CADM1: variants seen among roughly 807,000 people sequenced by gnomAD.
CADM1 encodes the protein cell adhesion molecule 1.
A neutral mutation model predicts 53.1 loss-of-function variants in CADM1; 15 were observed. That is an observed-to-expected ratio of 0.28 (90% CI 0.19 to 0.44). CADM1 has a LOEUF of 0.44. CADM1 is among the 20% of genes least tolerant of loss of function. The pLI, the probability that CADM1 is intolerant of heterozygous loss-of-function variation, is 1.00. For synonymous variants in CADM1, 281 were observed against 243.0 expected, an observed-to-expected ratio of 1.16 and a Z score of -1.45; for missense variants, 434 against 611.3, an observed-to-expected ratio of 0.71 and a Z score of 3.06.
At chr11:115,477,268 G>A (rs918806122) in intron 1 of CADM1, among the ~76,000 whole-genome samples, 1 of 151,980 alleles carries the variant, frequency 6.6e-6, no homozygotes, top group African/African-American at 2.4e-5. Context: ...CAGTTGCATG[G>A]ATCATGGAAA....
intron 1 of CADM1, among the ~76,000 whole-genome samples, chr11:115,368,047 C>A (rs1946213376): frequency 7.4e-6 from 1 of 134,840 alleles, no homozygotes; most frequent in South Asian, 2.4e-4. Flanking sequence ...TCCTTGTTTT[C>A]TTTCCTCTCA....
intron 1 of CADM1, among the ~76,000 whole-genome samples, chr11:115,275,471 TAGAG>T (rs566556178): frequency 6.6e-5 from 10 of 152,220 alleles, no homozygotes; most frequent in East Asian, 1.9e-4. Flanking sequence ...ATCTATGAAA[TAGAG>T]AGAAAAATTT....
At chr11:115,209,897 A>G (rs949221076) in intron 7 of CADM1, among the ~76,000 whole-genome samples, 1 of 152,166 alleles carries the variant, frequency 6.6e-6, no homozygotes, top group Non-Finnish European at 1.5e-5. Flanking sequence ...GGATGAGGAG[A>G]TGTGAAGAGA....
chr11:115,395,230 G>A (rs1450718984), intron 1 of CADM1, among the ~76,000 whole-genome samples: 3 of 152,130 alleles, frequency 2.0e-5, no homozygotes, highest in Non-Finnish European at 4.4e-5. Context: ...TGCTCTCCAA[G>A]TTTGGGAATC....
intron 3 of CADM1, among the ~76,000 whole-genome samples, chr11:115,237,298 A>G (rs112431973): frequency 0.023 from 3,545 of 152,320 alleles, 125 homozygotes; most frequent in African/African-American, 0.077. Flanking sequence ...TGAATACGTG[A>G]AAGCCATCTA....
chr11:115,358,581 G>A (rs531926307), intron 1 of CADM1, among the ~76,000 whole-genome samples: 12 of 152,254 alleles, frequency 7.9e-5, no homozygotes, highest in South Asian at 6.2e-4. Flanking sequence ...CGGGAGCTAC[G>A]ATTCAAGATG....
chr11:115,386,318 T>A (rs1263497941), intron 1 of CADM1, among the ~76,000 whole-genome samples: 1 of 152,266 alleles, frequency 6.6e-6, no homozygotes, highest in African/African-American at 2.4e-5. Flanking sequence ...TATGCAGAGC[T>A]GGAATATATG....
chr11:115,366,150 A>G (rs998707167), intron 1 of CADM1, among the ~76,000 whole-genome samples: 9 of 152,196 alleles, frequency 5.9e-5, no homozygotes, highest in African/African-American at 2.2e-4. Flanking sequence ...GGCATTTTCT[A>G]TACTCTGCTC....
intron 1 of CADM1, among the ~76,000 whole-genome samples, chr11:115,371,797 C>T (rs1429262676): frequency 3.0e-5 from 3 of 100,810 alleles, no homozygotes; most frequent in African/African-American, 1.2e-4. Flanking sequence ...TGCCACCACG[C>T]CCAGCTAATG....
rs531168119 is a variant in CADM1 at position 115,320,095 on chromosome 11, G to A, written c.125-79675C>T. 1.1e-3 allele frequency among the ~76,000 whole-genome samples: 163 copies of A among 151,850 alleles called. 2 individuals carry two copies. Among genetic ancestry groups the A allele is most frequent in the African/African-American group, 3.7e-3 (152 of 41,378 alleles). On this transcript the variant is annotated intron_variant, in intron 1 of 11. Transcript: ENST00000331581. ...ATGTATTTTTTAGAGACAGTATCTC[G>A]CTCTGTCACCCAGGCCGGAGTGCAG...
Position 115,357,073 on chromosome 11 carries a change from T to A in CADM1, c.125-116653A>T, listed in dbSNP as rs573878698. Among the ~76,000 whole-genome samples, 6 of 152,134 alleles carry A rather than the reference T, an allele frequency of 3.9e-5. No homozygotes were observed. In the South Asian group the frequency reaches 6.2e-4, roughly 16 times the overall value. ...ACAAATAATACAACTGTGAAGAAAA[T>A]TGAAATATATGCTCTCTTCATCCCC... On this transcript the variant is annotated intron_variant, in intron 1 of 11. Coordinates refer to ENST00000331581, the MANE Select transcript of CADM1 (RefSeq NM_001301043.2).
intron 1 of CADM1, among the ~76,000 whole-genome samples, chr11:115,460,198 G>T (rs996337320): frequency 1.3e-5 from 2 of 152,064 alleles, no homozygotes; most frequent in African/African-American, 4.8e-5. Context: ...CTGCCGCACA[G>T]CTAGTCTACA....
intron 1 of CADM1, among the ~76,000 whole-genome samples, chr11:115,476,310 T>C (rs1202212288): frequency 6.6e-6 from 1 of 152,182 alleles, no homozygotes; most frequent in Non-Finnish European, 1.5e-5. Context: ...TTGGTCAAAG[T>C]CAATACTAAA....
chr11:115,382,796 A>T (rs948840172), intron 1 of CADM1, among the ~76,000 whole-genome samples: 3 of 152,248 alleles, frequency 2.0e-5, no homozygotes, highest in Admixed American at 6.5e-5. Flanking sequence ...AAGATCCAGG[A>T]ACGCTAAATA....
intron 1 of CADM1, among the ~76,000 whole-genome samples, chr11:115,394,305 A>T (rs550469403): frequency 4.1e-4 from 62 of 152,330 alleles, no homozygotes; most frequent in African/African-American, 1.4e-3. Flanking sequence ...ATTCAAGCAA[A>T]CCTATTACTT....
intron 5 of CADM1, among the ~76,000 whole-genome samples, chr11:115,223,392 T>C (rs1445915090): frequency 1.3e-5 from 2 of 152,172 alleles, no homozygotes; most frequent in Non-Finnish European, 2.9e-5. Context: ...TTCACAACTA[T>C]TTAACCTTCC....
At chr11:115,369,753 C>T (rs568684835) in intron 1 of CADM1, among the ~76,000 whole-genome samples, 65 of 152,196 alleles carry the variant, frequency 4.3e-4, no homozygotes, top group African/African-American at 1.3e-3. Context: ...ACAGGTTTCA[C>T]GGGTCCACAG....
chr11:115,169,669 T>C lies in CADM1; in HGVS notation c.*6805A>G. On this transcript the variant is annotated 3_prime_UTR_variant, in exon 12 of 12. Transcript: ENST00000331581. ...AAGAGAAAGAGAGAGAGATGGATAGTAATTTCGTCACTAGCTAACAGAGAC... is the reference window on the plus strand; with the variant it reads ...AAGAGAAAGAGAGAGAGATGGATAGCAATTTCGTCACTAGCTAACAGAGAC... 1 of 455,488 alleles carries C rather than the reference T, an allele frequency of 2.2e-6. No homozygotes were observed. The highest frequency in any genetic ancestry group is 1.6e-5 in the South Asian group (1 of 64,174). The allele number at this position is 455,488 out of a possible 1,614,324, so 28.2% of individuals were successfully genotyped here.
chr11:115,471,358 T>A (rs571654081), intron 1 of CADM1, among the ~76,000 whole-genome samples: 43 of 152,298 alleles, frequency 2.8e-4, no homozygotes, highest in African/African-American at 9.4e-4. Flanking sequence ...AACAGTGAAC[T>A]GAGACTGCCT....
Sources: allele counts gnomAD v4.1 joint callset (sites outside exome capture counted in the v4.1 genomes callset), GRCh38; gene constraint gnomAD v4.1.1; transcripts MANE v1.5; gene names NCBI Gene and HGNC (gene_info 2026-07-23, HGNC 2026-07-21).